The following ADARB2 variants were observed in gnomAD, a reference collection of about 807,000 sequenced individuals.
ADARB2 encodes inactive double-stranded RNA-specific editase B2.
Under a neutral mutation model 62.2 loss-of-function variants are expected in ADARB2, and 25 were observed. That is an observed-to-expected ratio of 0.40 (90% confidence interval 0.29 to 0.56). The LOEUF is 0.56. Among genes scored for constraint, ADARB2 ranks in the 20% least tolerant of loss-of-function variants. ADARB2 has a pLI of 0.43. For missense variants in ADARB2, 1,071 were observed against 1,077.4 expected, an observed-to-expected ratio of 0.99 and a Z score of 0.08; for synonymous variants, 572 against 500.8, an observed-to-expected ratio of 1.14 and a Z score of -1.90.
chr10:1,429,437 G>A (rs1387894799), intron 1 of ADARB2, among the ~76,000 whole-genome samples: 1 of 152,130 alleles, frequency 6.6e-6, no homozygotes, highest in Admixed American at 6.5e-5. Context: ...GTATGCAGAT[G>A]GAAATTCTCA....
chr10:1,200,111 G>A lies in ADARB2; in HGVS notation c.1719C>T (p.Ser573=), dbSNP rs1168286538. Reference sequence around the variant, plus strand: ...GCAGGTACACGGGCTCCACGAAGTGGGACAGGAGCGCGCCCTGCAGCCCCA... The same window carrying A: ...GCAGGTACACGGGCTCCACGAAGTGAGACAGGAGCGCGCCCTGCAGCCCCA... ...NVLGLQGALL[S]HFVEPVYLQS... The change falls in exon 8 of 10, where the codon TCC becomes TCT. Residue 573 remains serine, a synonymous_variant. Transcript: ENST00000381312. The A allele has an allele frequency of 6.4e-7, 1 of 1,555,956 alleles. No individual in the cohort carries two copies. The highest frequency in any genetic ancestry group is 8.7e-7 in the Non-Finnish European group (1 of 1,150,864).
chr10:1,268,460 G>C (rs975913690), intron 4 of ADARB2, among the ~76,000 whole-genome samples: 1 of 134,974 alleles, frequency 7.4e-6, no homozygotes, highest in Non-Finnish European at 1.6e-5. Flanking sequence ...TAATAAATGT[G>C]AATGAGTTGG....
At chr10:1,670,147 T>C (rs961206590) in intron 1 of ADARB2, among the ~76,000 whole-genome samples, 17 of 152,358 alleles carry the variant, frequency 1.1e-4, no homozygotes, top group Middle Eastern at 3.4e-3. Flanking sequence ...TTTGGAAAGA[T>C]ATCTTTATAA....
intron 1 of ADARB2, among the ~76,000 whole-genome samples, chr10:1,707,590 G>C (rs1834905005): frequency 6.6e-6 from 1 of 152,230 alleles, no homozygotes; most frequent in Non-Finnish European, 1.5e-5. Flanking sequence ...TAGGTGGAGA[G>C]TGGTTCCTGT....
intron 3 of ADARB2, among the ~76,000 whole-genome samples, chr10:1,311,875 A>T (rs550992541): frequency 6.6e-6 from 1 of 152,098 alleles, no homozygotes; most frequent in Non-Finnish European, 1.5e-5. Flanking sequence ...GGAGAATGTG[A>T]GTGTAATTTA....
At chr10:1,653,587 A>G (rs948444868) in intron 1 of ADARB2, among the ~76,000 whole-genome samples, 2 of 150,642 alleles carry the variant, frequency 1.3e-5, no homozygotes, top group Non-Finnish European at 1.5e-5. Context: ...ATGTGCCTGC[A>G]GAGCCACAGT....
intron 1 of ADARB2, among the ~76,000 whole-genome samples, chr10:1,622,919 C>G (rs963264814): frequency 5.3e-5 from 8 of 152,158 alleles, no homozygotes; most frequent in Non-Finnish European, 1.2e-4. Flanking sequence ...GCTGATGACA[C>G]CACAAACGTC....
At position 1,214,854 on chromosome 10, in the gene ADARB2, G is replaced by A. The variant is rs956603405; in HGVS notation, c.1682+2097C>T. Reference sequence around the variant, plus strand: ...CTGTTCCCTTTGATGCAGAAACCACGGCTTTGGTCCACTGTCATTAGGCTG... The same window carrying A: ...CTGTTCCCTTTGATGCAGAAACCACAGCTTTGGTCCACTGTCATTAGGCTG... On this transcript the variant is annotated intron_variant, in intron 7 of 9. Transcript: ENST00000381312. Among the ~76,000 whole-genome samples the A allele has an allele frequency of 4.6e-5, 7 of 152,230 alleles. No homozygotes were observed. In the South Asian group the frequency reaches 6.2e-4, roughly 13 times the overall value.
At chr10:1,373,050 A>C (rs1429372523) in intron 2 of ADARB2, among the ~76,000 whole-genome samples, 2 of 152,230 alleles carry the variant, frequency 1.3e-5, no homozygotes, top group African/African-American at 2.4e-5. Flanking sequence ...TATTACTAAA[A>C]TGTCCATATT....
chr10:1,569,191 A>G (rs185016258), intron 1 of ADARB2, among the ~76,000 whole-genome samples: 259 of 152,138 alleles, frequency 1.7e-3, no homozygotes, highest in African/African-American at 5.9e-3. Context: ...AGAGAGAGAG[A>G]GAGGCAGAGA....
chr10:1,594,767 C>A (rs987115641), intron 1 of ADARB2, among the ~76,000 whole-genome samples: 2 of 152,262 alleles, frequency 1.3e-5, no homozygotes, highest in Non-Finnish European at 2.9e-5. Flanking sequence ...TCCAGTTTTT[C>A]AGCCAGTGGC....
At chr10:1,243,272 C>T (rs912527281) in intron 4 of ADARB2, among the ~76,000 whole-genome samples, 6 of 152,342 alleles carry the variant, frequency 3.9e-5, no homozygotes, top group Middle Eastern at 3.4e-3. Context: ...GAGGGCAGCA[C>T]GGAGACGCGT....
At chr10:1,580,894 T>C (rs187820447) in intron 1 of ADARB2, among the ~76,000 whole-genome samples, 2 of 152,374 alleles carry the variant, frequency 1.3e-5, no homozygotes, top group African/African-American at 4.8e-5. Context: ...CTCCAGGTTC[T>C]TCCATGGCTT....
intron 1 of ADARB2, among the ~76,000 whole-genome samples, chr10:1,479,940 C>T (rs1303691130): frequency 2.6e-5 from 4 of 152,128 alleles, no homozygotes; most frequent in African/African-American, 7.2e-5. Flanking sequence ...TGCTTTACTC[C>T]ATTGCATTTT....
intron 3 of ADARB2, among the ~76,000 whole-genome samples, chr10:1,339,462 T>A (rs74806530): frequency 0.024 from 3,626 of 152,366 alleles, 84 homozygotes; most frequent in East Asian, 0.11. Flanking sequence ...ACTCTGGCTG[T>A]ATTTTTACTG....
At chr10:1,479,614 A>G (rs1831442889) in intron 1 of ADARB2, among the ~76,000 whole-genome samples, 1 of 152,160 alleles carries the variant, frequency 6.6e-6, no homozygotes, top group Admixed American at 6.5e-5. Flanking sequence ...ATTTGGGCGT[A>G]TGGAGGGCAG....
chr10:1,471,259 G>A (rs976592850), intron 1 of ADARB2, among the ~76,000 whole-genome samples: 2 of 152,132 alleles, frequency 1.3e-5, no homozygotes, highest in South Asian at 2.1e-4. Flanking sequence ...CCTTCCCACC[G>A]TTCTCCTTCT....
intron 1 of ADARB2, among the ~76,000 whole-genome samples, chr10:1,633,608 C>CTATCTATT (rs1470816543): frequency 6.7e-6 from 1 of 149,276 alleles, no homozygotes; most frequent in Non-Finnish European, 1.5e-5. Flanking sequence ...ATCTATCTAT[C>CTATCTATT]TATCCCTCTA....
intron 3 of ADARB2, among the ~76,000 whole-genome samples, chr10:1,299,183 C>T (rs1407422404): frequency 6.6e-6 from 1 of 151,974 alleles, no homozygotes; most frequent in East Asian, 1.9e-4. Context: ...ATCACAGGGA[C>T]CCCAGCTAAT....
Sources: gnomAD v4.1 joint callset for allele counts (sites outside exome capture counted in the v4.1 genomes callset) on GRCh38, gnomAD v4.1.1 for gene constraint, MANE v1.5 for transcripts, NCBI Gene and HGNC (gene_info 2026-07-23, HGNC 2026-07-21) for gene names.